ABTB1: variants seen among roughly 807,000 people sequenced by gnomAD.
ABTB1 encodes ankyrin repeat and BTB domain containing 1.
Under a neutral mutation model 57.1 loss-of-function variants are expected in ABTB1, and 45 were observed. That is an observed-to-expected ratio of 0.79 (90% CI 0.62 to 1.01). The LOEUF (loss-of-function observed/expected upper bound fraction) is 1.01. Among genes scored for constraint, ABTB1 ranks in the 50% least tolerant of loss-of-function variants. ABTB1 has a pLI of 0.00. For missense variants in ABTB1, 630 were observed against 666.3 expected, an observed-to-expected ratio of 0.95 and a Z score of 0.60; for synonymous variants, 302 against 275.4, an observed-to-expected ratio of 1.10 and a Z score of -0.95.
Position 127,676,386 on chromosome 3 carries a change from C to T in ABTB1, c.435C>T (p.Asp145=), listed in dbSNP as rs747538876. The change falls in exon 5 of 12, where the codon GAC becomes GAT. Residue 145 remains aspartate, a synonymous_variant. Transcript: ENST00000232744. This position sits in a 1 kb window ranked among gnomAD's most constrained non-coding sequence, Gnocchi z 5.4. ...GTGCCTACTTTGCCAACATGCTGGA[C>T]ACCAAATGGAAGGGCAAGAGTGTCG... ...ARSAYFANML[D]TKWKGKSVVV... is the part of the protein sequence containing the mutation. 1.2e-6 allele frequency: 2 copies of T among 1,614,172 alleles called. No individual in the cohort carries two copies. The highest frequency in any genetic ancestry group is 1.7e-5 in the Admixed American group (1 of 60,036).
Position 127,672,978 on chromosome 3 carries a change from C to G in ABTB1, c.-48C>G. 6.6e-7 allele frequency: 1 copy of G among 1,519,974 alleles called. No individual in the cohort carries two copies. Among genetic ancestry groups the G allele is most frequent in the Non-Finnish European group, 8.8e-7 (1 of 1,130,398 alleles). 94.2% of individuals were successfully genotyped at this position (1,519,974 alleles called of 1,614,324 possible). A position where few individuals can be genotyped will look rare whatever the true frequency, so the allele number is the denominator to read the frequency against. ...AGCGTGTTTACATCCGCCGGGTGCGCGGCTTCGCCGCCCGAGGTCGTTCGG... is the reference window on the plus strand; with the variant it reads ...AGCGTGTTTACATCCGCCGGGTGCGGGGCTTCGCCGCCCGAGGTCGTTCGG... On this transcript the variant is annotated 5_prime_UTR_variant, in exon 1 of 12. Coordinates refer to ENST00000232744, the MANE Select transcript of ABTB1 (RefSeq NM_172027.3).
In ABTB1 at chr3:127,677,076, T is replaced by C; in HGVS notation, c.636T>C (p.Ser212=). The C allele has an allele frequency of 1.2e-6, 2 of 1,614,102 alleles. No homozygotes were observed. The highest frequency in any genetic ancestry group is 1.7e-6 in the Non-Finnish European group (2 of 1,179,980). The change falls in exon 7 of 12, where the codon TCT becomes TCC. Residue 212 remains serine, a synonymous_variant. Coordinates refer to ENST00000232744, the MANE Select transcript of ABTB1 (RefSeq NM_172027.3). ...SDLEAKCEKV[S]EFVASKPGTC... ...TGGAGGCCAAGTGCGAGAAGGTGTC[T>C]GAGTTTGGTGCGAGCAGGGTTTGGG...
intron 10 of ABTB1, 97 bp from the exon 11 acceptor site, chr3:127,679,888 A>G (rs2075085626): frequency 8.1e-7 from 1 of 1,228,102 alleles, no homozygotes; most frequent in East Asian, 2.5e-5. Context: ...CCTTCCCGCC[A>G]GTGCCCCCCA....
chr3:127,676,031 C>T lies in ABTB1; in HGVS notation c.237C>T (p.Asp79=). The T allele has an allele frequency of 6.2e-7, 1 of 1,613,028 alleles. No homozygotes were observed. The highest frequency in any genetic ancestry group is 1.3e-5 in the African/African-American group (1 of 75,042). The part of the protein sequence containing the change: ...GERCLYGALS[D]PIRRALRDYK... The stretch of plus-strand genomic sequence containing the variant: ...GCTGCCTCTATGGGGCACTGAGTGA[C>T]CCCATCCGCCGGGCTCTACGCGATT... The change falls in exon 4 of 12, where the codon GAC becomes GAT. Residue 79 remains aspartate, a synonymous_variant. Transcript: ENST00000232744. This position sits in a 1 kb window ranked among gnomAD's most constrained non-coding sequence, Gnocchi z 5.4.
rs1436824186 is a variant in ABTB1 at position 127,679,598 on chromosome 3, A to G, written c.1030-387A>G. The G allele has an allele frequency of 1.3e-5, 6 of 471,060 alleles. No individual in the cohort carries two copies. In the East Asian group the frequency reaches 3.3e-4, roughly 26 times the overall value. 29.2% of individuals were successfully genotyped at this position (471,060 alleles called of 1,614,324 possible). A position where few individuals can be genotyped will look rare whatever the true frequency, so the allele number is the denominator to read the frequency against. Reference sequence around the variant, plus strand: ...CCCCCGCAGGTAGGCATGGTTATCTATACCTCATGGACTGGGAACTAGAGG... The same window carrying G: ...CCCCCGCAGGTAGGCATGGTTATCTGTACCTCATGGACTGGGAACTAGAGG... On this transcript the variant is annotated intron_variant, in intron 10 of 11. Coordinates refer to ENST00000232744, the MANE Select transcript of ABTB1 (RefSeq NM_172027.3).
In ABTB1 at chr3:127,677,500, CG is replaced by C. The variant is rs2075013834; in HGVS notation, c.800del (p.Gly267AlafsTer87). 6.2e-7 allele frequency: 1 copy of C among 1,614,134 alleles called. No individual in the cohort carries two copies. Among genetic ancestry groups the C allele is most frequent in the East Asian group, 2.2e-5 (1 of 44,888 alleles). ...LWELPFPCPD[G>X]FNSCPDICFR... Reference sequence around the variant, plus strand: ...GGGAGCTGCCCTTCCCTTGTCCTGACGGCTTCAACAGCTGCCCTGACATCTG... The same window carrying C: ...GGGAGCTGCCCTTCCCTTGTCCTGACGCTTCAACAGCTGCCCTGACATCTG... On this transcript the variant is annotated frameshift_variant, in exon 9 of 12. Transcript: ENST00000232744. LOFTEE classifies it high-confidence loss of function.
Position 127,673,036 on chromosome 3 carries a change from G to T in ABTB1, c.11G>T (p.Ser4Ile). 6.4e-7 allele frequency: 1 copy of T among 1,573,060 alleles called. No individual in the cohort carries two copies. The highest frequency in any genetic ancestry group is 2.4e-5 in the East Asian group (1 of 41,378). MDT[S>I]DLFASCRKGD... ...ACCATCCTCCGCGCCATGGACACCA[G>T]CGACCTGTTCGCCAGCTGCAGGAAG... The change falls in exon 1 of 12, where the codon AGC becomes ATC. Residue 4 changes from serine to isoleucine, a missense_variant. Physicochemically the swap from Ser to Ile is moderately radical, Grantham distance 142. This residue lies in a region of ABTB1 where 579 missense variants were observed against 585.9 expected (regional missense o/e 0.99). Coordinates refer to ENST00000232744, the MANE Select transcript of ABTB1 (RefSeq NM_172027.3).
At chr3:127,679,832 C>A (rs1225670085) in intron 10 of ABTB1, 153 bp from the exon 11 acceptor site, 7 of 677,500 alleles carry the variant, frequency 1.0e-5, no homozygotes, top group Non-Finnish European at 1.8e-5. Flanking sequence ...AGCCCCCCGA[C>A]CCCCAACCCC....
intron 1 of ABTB1, chr3:127,674,187 C>T (rs1188665731): frequency 6.4e-6 from 4 of 620,342 alleles, no homozygotes; most frequent in Non-Finnish European, 1.1e-5. Context: ...CACACAGTGT[C>T]TGCCTGTTCG....
chr3:127,673,346 G>A lies in ABTB1; in HGVS notation c.56+265G>A, dbSNP rs75257499. 1.0e-3 allele frequency: 310 copies of A among 295,378 alleles called. 3 individuals are homozygous for A. The East Asian group carries it at 0.016, about 15-fold the overall frequency. 18.3% of individuals were successfully genotyped at this position (295,378 alleles called of 1,614,324 possible). On this transcript the variant is annotated intron_variant, in intron 1 of 11. Coordinates refer to ENST00000232744, the MANE Select transcript of ABTB1 (RefSeq NM_172027.3). ...TGCTCAGCGGAGGCCCGAAGGCGCA[G>A]AAGTGGGCGGAGAGAAGGCGGGCCA...
chr3:127,673,371 A>G, intron 1 of ABTB1: 1 of 260,954 alleles, frequency 3.8e-6, no homozygotes, highest in Non-Finnish European at 7.1e-6. Flanking sequence ...AAGGCGGGCC[A>G]CTGTTCGCCC....
chr3:127,676,729 C>T lies in ABTB1; in HGVS notation c.526+148C>T. The T allele has an allele frequency of 9.4e-7, 1 of 1,063,792 alleles. No individual in the cohort carries two copies. The highest frequency in any genetic ancestry group is 1.5e-5 in the South Asian group (1 of 67,714). The allele number at this position is 1,063,792 out of a possible 1,614,324, so 65.9% of individuals were successfully genotyped here. On this transcript the variant is annotated intron_variant, in intron 6 of 11. Coordinates refer to ENST00000232744, the MANE Select transcript of ABTB1 (RefSeq NM_172027.3). The surrounding 1 kb of genome is among the most constrained non-coding windows in gnomAD (Gnocchi z 5.4). ...TCCAGCTGCCTCTCGGGTTGGGTTG[C>T]AAGAGAGAGGACTAGTGTGCCTGCT... is the stretch of plus-strand genomic sequence containing the variant.
chr3:127,677,444 GT>G lies in ABTB1; in HGVS notation c.763-20del, dbSNP rs1157046357. ...TTCTGTGAACAACTGCTCTGATGGG[GT>G]CACCTCTTCTGTACCCCAGGGTGAT... On this transcript the variant is annotated intron_variant, in intron 8 of 11. Coordinates refer to ENST00000232744, the MANE Select transcript of ABTB1 (RefSeq NM_172027.3). 6.2e-7 allele frequency: 1 copy of G among 1,613,034 alleles called. No individual in the cohort carries two copies. Among genetic ancestry groups the G allele is most frequent in the Non-Finnish European group, 8.5e-7 (1 of 1,179,238 alleles).
rs2074880424 is a variant in ABTB1, at chr3:127,672,994, G to A, written c.-32G>A. The A allele has an allele frequency of 1.3e-6, 2 of 1,540,360 alleles. No homozygotes were observed. ...CCGGGTGCGCGGCTTCGCCGCCCGA[G>A]GTCGTTCGGCTCGGGTACCATCCTC... On this transcript the variant is annotated 5_prime_UTR_variant, in exon 1 of 12. Transcript: ENST00000232744.
At chr3:127,675,130 G>A (rs2074947796) in intron 3 of ABTB1, among the ~76,000 whole-genome samples, 1 of 152,126 alleles carries the variant, frequency 6.6e-6, no homozygotes, top group African/African-American at 2.4e-5. Flanking sequence ...CCTCCTGCAT[G>A]GACTGCCGTT....
chr3:127,674,488 G>T (rs1273720168), intron 2 of ABTB1, 35 bp downstream of exon 2: 2 of 1,612,930 alleles, frequency 1.2e-6, no homozygotes. Flanking sequence ...GAGGGTGGGG[G>T]TTGGTGCACC....
chr3:127,675,354 ACCTCCCAGGCTCAAGTGAT>A (rs1477538734), intron 3 of ABTB1: 1 of 140,920 alleles, frequency 7.1e-6, no homozygotes, highest in African/African-American at 2.7e-5. Context: ...TGCAGCCTTA[ACCTCCCAGGCTCAAGTGAT>A]CCTCCTGCCT....
In ABTB1 at chr3:127,676,989, G is replaced by A. The variant is rs1350359801; in HGVS notation, c.549G>A (p.Glu183=). Residue 183 remains glutamate, a synonymous_variant, in exon 7 of 12, where the codon GAG becomes GAA. Coordinates refer to ENST00000232744, the MANE Select transcript of ABTB1 (RefSeq NM_172027.3). This position sits in a 1 kb window ranked among gnomAD's most constrained non-coding sequence, Gnocchi z 5.4. ...LYTGRLDIGV[E]HVSDCERLAK... ...CAGGCCGCCTGGACATTGGCGTAGAGCATGTGAGTGACTGTGAGCGCCTGG... is the reference window on the plus strand; with the variant it reads ...CAGGCCGCCTGGACATTGGCGTAGAACATGTGAGTGACTGTGAGCGCCTGG... 6.2e-7 allele frequency: 1 copy of A among 1,613,832 alleles called. No individual in the cohort carries two copies. Among genetic ancestry groups the A allele is most frequent in the African/African-American group, 1.3e-5 (1 of 74,924 alleles).
Position 127,676,437 on chromosome 3 carries a change from T to G in ABTB1, c.480+6T>G. Reference sequence around the variant, plus strand: ...TGGTTCTCAGGCACCCACTGGTATGTCCCTTCAGGGTGGCAGAGGGGCATG... The same window carrying G: ...TGGTTCTCAGGCACCCACTGGTATGGCCCTTCAGGGTGGCAGAGGGGCATG... On this transcript the variant is annotated splice_donor_region_variant and intron_variant, in intron 5 of 11. Coordinates refer to ENST00000232744, the MANE Select transcript of ABTB1 (RefSeq NM_172027.3). The surrounding 1 kb of genome is among the most constrained non-coding windows in gnomAD (Gnocchi z 5.4). The G allele has an allele frequency of 6.2e-7, 1 of 1,613,996 alleles. No individual in the cohort carries two copies. The highest frequency in any genetic ancestry group is 8.5e-7 in the Non-Finnish European group (1 of 1,179,934).
Sources: allele counts gnomAD v4.1 joint callset (sites outside exome capture counted in the v4.1 genomes callset), GRCh38; gene constraint gnomAD v4.1.1; regional missense constraint gnomAD v4.1.1; non-coding constraint Gnocchi (gnomAD v3.1); transcripts MANE v1.5; gene names NCBI Gene and HGNC (gene_info 2026-07-23, HGNC 2026-07-21).